The following BACH2 variants were observed in gnomAD, a reference collection of about 807,000 sequenced individuals.
BACH2 encodes the protein transcription regulator protein BACH2.
Under a neutral mutation model 61.8 loss-of-function variants are expected in BACH2, and 5 were observed. The ratio of observed to expected loss-of-function variants is 0.08; its 90% CI spans 0.04 to 0.17. BACH2 has a LOEUF of 0.17. Ranked by LOEUF, BACH2 falls within the 10% of genes least tolerant of loss-of-function variation. The pLI, the probability that BACH2 is intolerant of heterozygous loss-of-function variation, is 1.00. For synonymous variants in BACH2, 446 were observed against 440.1 expected (o/e 1.01, Z -0.17); for missense variants, 824 against 1,091.1 (o/e 0.76, Z 3.45).
Position 89,983,199 on chromosome 6 carries a change from G to A in BACH2, c.243+25403C>T, listed in dbSNP as rs184135431. On this transcript the variant is annotated intron_variant, in intron 6 of 8. Coordinates refer to ENST00000257749, the MANE Select transcript of BACH2 (RefSeq NM_021813.4). Reference sequence around the variant, plus strand: ...TCTCCTGAAAGGAGTATATGGATTTGAATAGGACATCATCCTTGCTTCTGT... The same window carrying A: ...TCTCCTGAAAGGAGTATATGGATTTAAATAGGACATCATCCTTGCTTCTGT... 3.3e-5 allele frequency among the ~76,000 whole-genome samples: 5 copies of A among 152,334 alleles called. No homozygotes were observed. The East Asian group carries it at 7.7e-4, about 23-fold the overall frequency.
rs74869456 is a variant in BACH2 at position 90,245,737 on chromosome 6, A to G, written c.-275+6776T>C. Reference sequence around the variant, plus strand: ...TTCAAGAACTAGCTATGAGGTGATCAGAAATAATCTGAATTTGAAACAAGA... The same window carrying G: ...TTCAAGAACTAGCTATGAGGTGATCGGAAATAATCTGAATTTGAAACAAGA... On this transcript the variant is annotated intron_variant, in intron 3 of 8. Transcript: ENST00000257749. Among the ~76,000 whole-genome samples the G allele has an allele frequency of 7.9e-3, 1,201 of 152,368 alleles. 9 individuals carry two copies. Among genetic ancestry groups the G allele is most frequent in the East Asian group, 0.022 (113 of 5,188 alleles).
chr6:89,932,243 G>A lies in BACH2; in HGVS notation c.*165C>T, dbSNP rs1484206838. ...GTGAAGGTAACTATCACTCCTGCTC[G>A]AGAAGAGGAGAGGATACTTCGGAAC... On this transcript the variant is annotated 3_prime_UTR_variant, in exon 9 of 9. Transcript: ENST00000257749. The A allele has an allele frequency of 5.4e-6, 5 of 929,792 alleles. No homozygotes were observed. Among genetic ancestry groups the A allele is most frequent in the African/African-American group, 1.7e-5 (1 of 59,862 alleles). 57.6% of individuals were successfully genotyped at this position (929,792 alleles called of 1,614,324 possible).
At chr6:90,092,302 A>G (rs1782201107) in intron 4 of BACH2, among the ~76,000 whole-genome samples, 1 of 132,326 alleles carries the variant, frequency 7.6e-6, no homozygotes, top group Non-Finnish European at 1.6e-5. Flanking sequence ...ATATATATAT[A>G]TATATATATA....
At chr6:90,144,872 A>G (rs1228019861) in intron 4 of BACH2, among the ~76,000 whole-genome samples, 1 of 152,344 alleles carries the variant, frequency 6.6e-6, no homozygotes, top group African/African-American at 2.4e-5. Context: ...ATTGTAAAAC[A>G]CTTCTCTTCC....
In BACH2 at chr6:89,950,762, A is replaced by G. The variant is rs770645890; in HGVS notation, c.1344T>C (p.Tyr448=). The G allele has an allele frequency of 1.9e-6, 3 of 1,614,016 alleles. No homozygotes were observed. Among genetic ancestry groups the G allele is most frequent in the Non-Finnish European group, 1.7e-6 (2 of 1,180,024 alleles). ...CTTTGTCCAAACTGCTCACCCCAGA[A>G]TAAGAATGCACCGAGGTGCTCACTT... ...CDQVSTSVHS[Y]SGVSSLDKDL... Residue 448 remains tyrosine, a synonymous_variant, in exon 7 of 9, where the codon TAT becomes TAC. Transcript: ENST00000257749. This position sits in a 1 kb window ranked among gnomAD's most constrained non-coding sequence, Gnocchi z 5.3.
intron 4 of BACH2, among the ~76,000 whole-genome samples, chr6:90,094,490 A>C (rs1453201033): frequency 6.6e-6 from 1 of 152,204 alleles, no homozygotes; most frequent in African/African-American, 2.4e-5. Context: ...CCTGTTGTCA[A>C]TTCTCTCCTA....
intron 5 of BACH2, among the ~76,000 whole-genome samples, chr6:90,073,978 G>A (rs900490165): frequency 3.0e-4 from 45 of 152,180 alleles, no homozygotes; most frequent in African/African-American, 1.0e-3. Context: ...CCCATTTCAG[G>A]TGAAGGAGGG....
intron 1 of BACH2, among the ~76,000 whole-genome samples, chr6:90,276,709 CA>C (rs928189392): frequency 1.3e-5 from 2 of 152,080 alleles, no homozygotes; most frequent in African/African-American, 4.8e-5. Context: ...CCATTTAACC[CA>C]ACCCCATTTT....
intron 5 of BACH2, among the ~76,000 whole-genome samples, chr6:90,030,069 T>C (rs1778879611): frequency 1.3e-5 from 2 of 152,242 alleles, no homozygotes; most frequent in African/African-American, 4.8e-5. Context: ...CCATTGGCTC[T>C]ATACAATGTG....
chr6:90,184,479 C>T (rs906092819), intron 4 of BACH2, among the ~76,000 whole-genome samples: 1 of 152,232 alleles, frequency 6.6e-6, no homozygotes, highest in African/African-American at 2.4e-5. Flanking sequence ...TTCCTCCCTC[C>T]ACCCCTTCAC....
chr6:90,176,294 C>T (rs530559963), intron 4 of BACH2, among the ~76,000 whole-genome samples: 14 of 152,122 alleles, frequency 9.2e-5, no homozygotes, highest in African/African-American at 2.2e-4. Flanking sequence ...GAGCTCAGGG[C>T]GAGCAGAGAT....
At position 90,134,301 on chromosome 6, in the gene BACH2, T is replaced by G. The variant is rs562485274; in HGVS notation, c.-161-45192A>C. Among the ~76,000 whole-genome samples, 9 of 152,360 alleles carry G rather than the reference T, an allele frequency of 5.9e-5. No homozygotes were observed. In the East Asian group the frequency reaches 1.7e-3, roughly 29 times the overall value. ...TAGAAATGCATTTTTGCCCAAACAC[T>G]TCAAACACATGACTTCGCTTTTAAT... On this transcript the variant is annotated intron_variant, in intron 4 of 8. Coordinates refer to ENST00000257749, the MANE Select transcript of BACH2 (RefSeq NM_021813.4).
chr6:89,961,581 C>A (rs1774747541), intron 6 of BACH2, among the ~76,000 whole-genome samples: 1 of 152,178 alleles, frequency 6.6e-6, no homozygotes, highest in Admixed American at 6.5e-5. Flanking sequence ...CAACTATGAA[C>A]CACTTGATCT....
intron 6 of BACH2, among the ~76,000 whole-genome samples, chr6:90,000,559 A>G (rs1302698524): frequency 6.6e-6 from 1 of 152,204 alleles, no homozygotes; most frequent in Non-Finnish European, 1.5e-5. Context: ...CATCCTTCCA[A>G]GAAGTTTAAC....
At chr6:90,138,880 G>T (rs1784371384) in intron 4 of BACH2, among the ~76,000 whole-genome samples, 1 of 152,116 alleles carries the variant, frequency 6.6e-6, no homozygotes, top group African/African-American at 2.4e-5. Flanking sequence ...ATTAATTCAC[G>T]TACCACATGG....
chr6:90,111,732 G>A (rs535226455), intron 4 of BACH2, among the ~76,000 whole-genome samples: 14 of 152,248 alleles, frequency 9.2e-5, no homozygotes, highest in African/African-American at 2.4e-4. Flanking sequence ...TGCTCTCATC[G>A]TTCTCTGAAA....
In BACH2 at chr6:90,239,786, A is replaced by AG. The variant is rs1189643748; in HGVS notation, c.-275+12726dup. Among the ~76,000 whole-genome samples the AG allele has an allele frequency of 2.7e-3, 358 of 133,652 alleles. 1 individual carries two copies. The highest frequency in any genetic ancestry group is 8.4e-3 in the African/African-American group (288 of 34,474). The allele number at this position is 133,652 out of a possible 152,430, so 87.7% of individuals were successfully genotyped here. Reference sequence around the variant, plus strand: ...ACTGACATGCATGATCTCCATAGTAAGGGGGGGGGAATACACACACACACA... The same window carrying AG: ...ACTGACATGCATGATCTCCATAGTAAGGGGGGGGGGAATACACACACACACA... On this transcript the variant is annotated intron_variant, in intron 3 of 8. Transcript: ENST00000257749.
chr6:90,084,132 G>C (rs1367258977), intron 5 of BACH2, among the ~76,000 whole-genome samples: 2 of 152,026 alleles, frequency 1.3e-5, no homozygotes, highest in Non-Finnish European at 2.9e-5. Context: ...GAAGTATGAA[G>C]GTTAGCTAAT....
chr6:89,959,029 GTGCAATTAGT>G (rs1362603266), intron 6 of BACH2, among the ~76,000 whole-genome samples: 12 of 151,796 alleles, frequency 7.9e-5, no homozygotes. Context: ...ATGGGGCCCT[GTGCAATTAGT>G]TGCACAGGTT....
Sources: allele counts gnomAD v4.1 joint callset (sites outside exome capture counted in the v4.1 genomes callset), GRCh38; gene constraint gnomAD v4.1.1; non-coding constraint Gnocchi (gnomAD v3.1); transcripts MANE v1.5; gene names NCBI Gene and HGNC (gene_info 2026-07-23, HGNC 2026-07-21).